The following GOLIM4 variants were observed in gnomAD, a reference collection of about 807,000 sequenced individuals.
The protein encoded by GOLIM4 is golgi integral membrane protein 4.
A neutral mutation model predicts 107.4 loss-of-function variants in GOLIM4; 71 were observed. The ratio of observed to expected loss-of-function variants is 0.66; its 90% CI spans 0.55 to 0.81. The LOEUF is 0.81. Ranked by LOEUF, GOLIM4 falls within the 30% of genes least tolerant of loss-of-function variation. The pLI is 0.00. For synonymous variants in GOLIM4, 327 were observed against 294.8 expected, an observed-to-expected ratio of 1.11 and a Z score of -1.12; for missense variants, 830 against 826.1, an observed-to-expected ratio of 1.00 and a Z score of -0.06.
intron 1 of GOLIM4, among the ~76,000 whole-genome samples, chr3:168,057,553 CCTCA>C (rs1001226962): frequency 1.2e-4 from 18 of 152,218 alleles, no homozygotes; most frequent in African/African-American, 4.3e-4. Flanking sequence ...GTAAGAACTC[CCTCA>C]CTATTACGAG....
chr3:168,053,308 T>G (rs1262512915), intron 1 of GOLIM4, among the ~76,000 whole-genome samples: 1 of 152,230 alleles, frequency 6.6e-6, no homozygotes, highest in Non-Finnish European at 1.5e-5. Flanking sequence ...TTTTGACATC[T>G]TAAACCAAGA....
chr3:168,075,286 G>GTT (rs374374393), intron 1 of GOLIM4, among the ~76,000 whole-genome samples: 4,551 of 94,066 alleles, frequency 0.048, 1,092 homozygotes, highest in African/African-American at 0.086. Context: ...ACATTCACTA[G>GTT]TTTTTTTTTT....
intron 1 of GOLIM4, among the ~76,000 whole-genome samples, chr3:168,063,219 C>T (rs181228528): frequency 4.6e-5 from 7 of 152,238 alleles, no homozygotes; most frequent in African/African-American, 1.7e-4. Context: ...GATGTTACTC[C>T]TAAAGACCAT....
rs184213756 is a variant in GOLIM4 at position 168,010,117 on chromosome 3, T to C, written c.*152A>G. 2.7e-3 allele frequency: 1,493 copies of C among 563,150 alleles called. 8 individuals carry two copies. The highest frequency in any genetic ancestry group is 3.8e-3 in the Non-Finnish European group (1,258 of 327,534). The allele number at this position is 563,150 out of a possible 1,614,324, so 34.9% of individuals were successfully genotyped here. On this transcript the variant is annotated 3_prime_UTR_variant, in exon 16 of 16. Transcript: ENST00000470487. ...CCTACGTTATCAAAATATATTCATATAAATGTATGCGCATTTCTAATACAA... is the reference window on the plus strand; with the variant it reads ...CCTACGTTATCAAAATATATTCATACAAATGTATGCGCATTTCTAATACAA...
At chr3:168,023,159 T>G (rs1309580371) in intron 14 of GOLIM4, among the ~76,000 whole-genome samples, 4 of 152,226 alleles carry the variant, frequency 2.6e-5, no homozygotes, top group Non-Finnish European at 5.9e-5. Flanking sequence ...AACTTTTCTC[T>G]TTTAATCCCT....
intron 9 of GOLIM4, 45 bp downstream of exon 9, chr3:168,032,475 G>T: frequency 1.4e-6 from 2 of 1,394,896 alleles, no homozygotes; most frequent in South Asian, 1.2e-5. Flanking sequence ...ATAAAGCCAG[G>T]TTTTCCATCC....
chr3:168,034,855 A>G (rs1718552781), intron 8 of GOLIM4, among the ~76,000 whole-genome samples: 1 of 152,222 alleles, frequency 6.6e-6, no homozygotes, highest in Admixed American at 6.5e-5. Flanking sequence ...GCCTGCTGCC[A>G]TCCATGGAAG....
Position 168,040,773 on chromosome 3 carries a change from C to T in GOLIM4, c.684+13G>A, listed in dbSNP as rs762760221. ...CTTGTAAAAGAACCCACAGAGGCTG[C>T]TACCCTTCTAACCTGTGCAGCAGCT... On this transcript the variant is annotated intron_variant, in intron 7 of 15. Coordinates refer to ENST00000470487, the MANE Select transcript of GOLIM4 (RefSeq NM_014498.5). The T allele has an allele frequency of 1.6e-5, 25 of 1,570,606 alleles. 1 individual carries two copies. The highest frequency in any genetic ancestry group is 2.2e-5 in the Non-Finnish European group (25 of 1,143,740).
intron 1 of GOLIM4, among the ~76,000 whole-genome samples, chr3:168,073,523 T>C (rs931439303): frequency 2.6e-5 from 4 of 152,298 alleles, no homozygotes; most frequent in East Asian, 1.9e-4. Context: ...AGGATTAGAA[T>C]AGTGGGCATG....
chr3:168,012,559 A>T (rs1192417734), intron 14 of GOLIM4, among the ~76,000 whole-genome samples: 3 of 135,024 alleles, frequency 2.2e-5, no homozygotes, highest in Non-Finnish European at 4.5e-5. Flanking sequence ...ATACTCCTCG[A>T]GAAGACCAAC....
chr3:168,021,941 C>G (rs1453626687), intron 14 of GOLIM4, among the ~76,000 whole-genome samples: 1 of 152,108 alleles, frequency 6.6e-6, no homozygotes, highest in Non-Finnish European at 1.5e-5. Flanking sequence ...CATAAATTGT[C>G]TTGTTTGCTT....
intron 14 of GOLIM4, among the ~76,000 whole-genome samples, chr3:168,023,840 A>C (rs565452788): frequency 1.2e-4 from 19 of 152,326 alleles, no homozygotes; most frequent in Admixed American, 1.2e-3. Context: ...CACATGCAGC[A>C]CCACAATAAT....
chr3:168,012,049 A>G (rs184869726), intron 14 of GOLIM4, among the ~76,000 whole-genome samples: 6,359 of 105,364 alleles, frequency 0.06, 485 homozygotes, highest in African/African-American at 0.26. Flanking sequence ...GGAGAATGAC[A>G]TTGACGAGCT....
chr3:168,011,245 C>T (rs907640060), intron 14 of GOLIM4, among the ~76,000 whole-genome samples: 2 of 150,954 alleles, frequency 1.3e-5, no homozygotes, highest in Non-Finnish European at 2.9e-5. Context: ...CTCAAAGGGT[C>T]GGGGAGTTCC....
At chr3:168,012,500 C>A (rs1327476872) in intron 14 of GOLIM4, among the ~76,000 whole-genome samples, 15 of 143,652 alleles carry the variant, frequency 1.0e-4, no homozygotes, top group Non-Finnish European at 2.1e-4. Flanking sequence ...CCCAATCTAG[C>A]AAGGCAGGCC....
At chr3:168,044,259 G>C (rs540167185) in intron 4 of GOLIM4, among the ~76,000 whole-genome samples, 2 of 152,266 alleles carry the variant, frequency 1.3e-5, no homozygotes, top group East Asian at 3.9e-4. Flanking sequence ...TGGAGATGCC[G>C]GCATGATCTG....
At chr3:168,050,202 A>C (rs1475017157) in intron 1 of GOLIM4, among the ~76,000 whole-genome samples, 1 of 152,204 alleles carries the variant, frequency 6.6e-6, no homozygotes, top group Non-Finnish European at 1.5e-5. Context: ...CCTGGACAGA[A>C]GTGTAAAACT....
chr3:168,043,267 C>T (rs985855682), intron 5 of GOLIM4, 112 bp downstream of exon 5: 2 of 709,996 alleles, frequency 2.8e-6, no homozygotes, highest in South Asian at 2.1e-5. Context: ...GGTAAAGGAC[C>T]ACATGATAAA....
At chr3:168,012,549 A>T (rs1717111915) in intron 14 of GOLIM4, among the ~76,000 whole-genome samples, 1 of 135,950 alleles carries the variant, frequency 7.4e-6, no homozygotes, top group South Asian at 2.1e-4. Flanking sequence ...CGCCACAAAG[A>T]TACTCCTCGA....
Sources: gnomAD v4.1 joint callset for allele counts (sites outside exome capture counted in the v4.1 genomes callset) on GRCh38, gnomAD v4.1.1 for gene constraint, MANE v1.5 for transcripts, NCBI Gene and HGNC (gene_info 2026-07-23, HGNC 2026-07-21) for gene names.